The following TEK variants were observed in gnomAD, a reference collection of about 807,000 sequenced individuals.
TEK encodes the protein TEK receptor tyrosine kinase, also known as angiopoietin-1 receptor.
Under a neutral mutation model 131.8 loss-of-function variants are expected in TEK, and 43 were observed. The ratio of observed to expected loss-of-function variants is 0.33; its 90% CI spans 0.26 to 0.42. The LOEUF (loss-of-function observed/expected upper bound fraction) is 0.42, where lower values mean the gene tolerates loss of function less well. TEK is among the 10% of genes least tolerant of loss of function. The pLI is 1.00. For missense variants in TEK, 1,162 were observed against 1,384.4 expected (o/e 0.84, Z 2.55); for synonymous variants, 580 against 491.6 (o/e 1.18, Z -2.38).
chr9:27,180,349 G>C lies in TEK; in HGVS notation c.1011G>C (p.Gly337=). ...GTCTCTGCTCTCCAGGATGGCAGGG[G>C]CTCCAGTGTGAGAGAGAAGGTAAAG... ...QGCLCSPGWQ[G]LQCEREGIQR... The change falls in exon 7 of 23, where the codon GGG becomes GGC. Residue 337 remains glycine (G), a synonymous_variant. Transcript: ENST00000380036. 6.2e-7 allele frequency: 1 copy of C among 1,613,454 alleles called. No homozygotes were observed. Among genetic ancestry groups the C allele is most frequent in the African/African-American group, 1.3e-5 (1 of 75,008 alleles).
chr9:27,192,043 A>C, intron 10 of TEK: 1 of 427,822 alleles, frequency 2.3e-6, no homozygotes, highest in South Asian at 1.7e-5. Context: ...TTGTAATAGT[A>C]TGACCATTGC....
chr9:27,228,360 G>A (rs1180342444), intron 22 of TEK, 55 bp downstream of exon 22: 6 of 1,386,916 alleles, frequency 4.3e-6, no homozygotes, highest in Non-Finnish European at 6.1e-6. Flanking sequence ...ATGTGCCCAG[G>A]GTGGTTCATA....
chr9:27,213,676 A>G, intron 18 of TEK, 79 bp downstream of exon 18: 1 of 1,076,198 alleles, frequency 9.3e-7, no homozygotes, highest in South Asian at 1.3e-5. Context: ...TGAGACTGTC[A>G]GTGCTCTGTG....
At chr9:27,134,944 A>G (rs1822361651) in intron 1 of TEK, among the ~76,000 whole-genome samples, 1 of 152,150 alleles carries the variant, frequency 6.6e-6, no homozygotes, top group African/African-American at 2.4e-5. Context: ...AAAAGAAACA[A>G]AAAGGGTGTG....
chr9:27,196,053 AG>A (rs1376168789), intron 11 of TEK, among the ~76,000 whole-genome samples: 6 of 152,210 alleles, frequency 3.9e-5, no homozygotes, highest in African/African-American at 1.4e-4. Context: ...AATCTTGCTA[AG>A]GGGAAGGAAC....
chr9:27,228,128 T>G, intron 21 of TEK, 78 bp from the exon 22 acceptor site: 1 of 1,269,672 alleles, frequency 7.9e-7, no homozygotes, highest in Non-Finnish European at 1.1e-6. Flanking sequence ...GTGGCTTCAT[T>G]CTCTCCTCTC....
At chr9:27,171,659 C>G (rs1052217568) in intron 4 of TEK, among the ~76,000 whole-genome samples, 1 of 152,174 alleles carries the variant, frequency 6.6e-6, no homozygotes, top group Non-Finnish European at 1.5e-5. Context: ...CTATTTCCTT[C>G]TGGATGACTA....
At chr9:27,188,695 G>A (rs749150901) in intron 9 of TEK, among the ~76,000 whole-genome samples, 2 of 152,092 alleles carry the variant, frequency 1.3e-5, no homozygotes, top group South Asian at 2.1e-4. Flanking sequence ...TTCCTAAGTC[G>A]TCACTTAGTC....
chr9:27,226,869 G>A (rs146837387), intron 21 of TEK, among the ~76,000 whole-genome samples: 1 of 152,098 alleles, frequency 6.6e-6, no homozygotes, highest in African/African-American at 2.4e-5. Context: ...AAGCTAACTG[G>A]CATGTTTGAA....
At chr9:27,218,876 A>C (rs1242264951) in intron 20 of TEK, 59 bp downstream of exon 20, 2 of 1,496,762 alleles carry the variant, frequency 1.3e-6, no homozygotes, top group African/African-American at 2.8e-5. Context: ...GGAAGCCTCT[A>C]GCACTCCCTT....
chr9:27,193,312 C>T (rs544493084), intron 11 of TEK, among the ~76,000 whole-genome samples: 36 of 152,296 alleles, frequency 2.4e-4, no homozygotes, highest in African/African-American at 8.4e-4. Flanking sequence ...TTCTGGGCCT[C>T]GTCCCCAGAG....
chr9:27,206,636 G>A lies in TEK; in HGVS notation c.2419G>A (p.Val807Ile), dbSNP rs779551623. ...AGGGACTCTGGCCCTAAACAGGAAGGTCAAAAACAACCCAGATCCTACAAT... is the reference window on the plus strand; with the variant it reads ...AGGGACTCTGGCCCTAAACAGGAAGATCAAAAACAACCCAGATCCTACAAT... ...NSGTLALNRK[V>I]KNNPDPTIYP... Residue 807 changes from valine to isoleucine, a missense_variant, in exon 15 of 23, where the codon GTC becomes ATC. Coordinates refer to ENST00000380036, the MANE Select transcript of TEK (RefSeq NM_000459.5). The A allele has an allele frequency of 2.5e-6, 4 of 1,613,888 alleles. No homozygotes were observed. In the East Asian group the frequency reaches 6.7e-5, roughly 27 times the overall value.
intron 2 of TEK, among the ~76,000 whole-genome samples, chr9:27,161,653 A>G (rs2131127778): frequency 6.6e-6 from 1 of 152,320 alleles, no homozygotes. Context: ...TATAAAGTAC[A>G]ATGATCCTAC....
intron 1 of TEK, among the ~76,000 whole-genome samples, chr9:27,123,549 A>G (rs1004107490): frequency 6.6e-6 from 1 of 152,258 alleles, no homozygotes; most frequent in African/African-American, 2.4e-5. Context: ...TGTCAGAGAC[A>G]TAAAAGATTA....
rs747117388 is a variant in TEK at position 27,228,230 on chromosome 9, G to C, written c.3225G>C (p.Trp1075Cys). 1 of 1,612,952 alleles carries C rather than the reference G, an allele frequency of 6.2e-7. No individual in the cohort carries two copies. The highest frequency in any genetic ancestry group is 1.1e-5 in the South Asian group (1 of 91,066). ...GGTATGATCTAATGAGACAATGCTG[G>C]CGGGAGAAGCCTTATGAGAGGCCAT... The part of the protein sequence containing the change: ...DEVYDLMRQC[W>C]REKPYERPSF... The change falls in exon 22 of 23, where the codon TGG (tryptophan) becomes TGC (cysteine). Residue 1075 changes from tryptophan to cysteine, a missense_variant. Trp to Cys is a radical substitution (Grantham distance 215). Coordinates refer to ENST00000380036, the MANE Select transcript of TEK (RefSeq NM_000459.5).
intron 1 of TEK, among the ~76,000 whole-genome samples, chr9:27,117,190 A>G (rs1025298377): frequency 7.9e-5 from 12 of 152,122 alleles, no homozygotes; most frequent in East Asian, 1.9e-4. Context: ...AGAAGACAGT[A>G]AGATGGGGCA....
At chr9:27,189,704 T>C (rs1228516747) in intron 9 of TEK, among the ~76,000 whole-genome samples, 1 of 152,142 alleles carries the variant, frequency 6.6e-6, no homozygotes, top group Non-Finnish European at 1.5e-5. Context: ...AGGCAGTCTC[T>C]AGAAGCTAGA....
At chr9:27,131,998 G>T (rs1822245344) in intron 1 of TEK, among the ~76,000 whole-genome samples, 1 of 151,566 alleles carries the variant, frequency 6.6e-6, no homozygotes, top group Non-Finnish European at 1.5e-5. Context: ...CACAATGATG[G>T]TATATATTTC....
intron 1 of TEK, among the ~76,000 whole-genome samples, chr9:27,152,154 A>G (rs1230719070): frequency 2.0e-5 from 3 of 152,318 alleles, no homozygotes; most frequent in Non-Finnish European, 4.4e-5. Flanking sequence ...CATAGCTAAT[A>G]CCAAATTTCC....
Sources: gnomAD v4.1 joint callset for allele counts (sites outside exome capture counted in the v4.1 genomes callset) on GRCh38, gnomAD v4.1.1 for gene constraint, MANE v1.5 for transcripts, NCBI Gene and HGNC (gene_info 2026-07-23, HGNC 2026-07-21) for gene names.